The following ASH1L variants were observed in gnomAD, a reference collection of about 807,000 sequenced individuals.
ASH1L encodes ASH1 like histone lysine methyltransferase, also known as histone-lysine N-methyltransferase ASH1L.
ASH1L carries 23 observed loss-of-function variants against 269.0 expected under a neutral mutation model. The observed-to-expected ratio is 0.09, with a 90% CI of 0.06 to 0.12. The LOEUF (loss-of-function observed/expected upper bound fraction) is 0.12, where lower values mean the gene tolerates loss of function less well. ASH1L is among the 10% of genes least tolerant of loss of function. The pLI, the probability that ASH1L is intolerant of heterozygous loss-of-function variation, is 1.00. For synonymous variants in ASH1L, 1,187 were observed against 1,253.5 expected, an observed-to-expected ratio of 0.95 and a Z score of 1.12; for missense variants, 2,912 against 3,567.8, an observed-to-expected ratio of 0.82 and a Z score of 4.68.
intron 2 of ASH1L, among the ~76,000 whole-genome samples, chr1:155,510,142 G>A (rs1388531320): frequency 6.6e-6 from 1 of 151,972 alleles, no homozygotes; most frequent in African/African-American, 2.4e-5. Context: ...TATGCTGGGC[G>A]CAGCGGCTCG....
chr1:155,388,257 A>T (rs2148465532), intron 7 of ASH1L, among the ~76,000 whole-genome samples: 1 of 152,192 alleles, frequency 6.6e-6, no homozygotes. Flanking sequence ...AACTGCTGCC[A>T]CTCACCAATG....
At chr1:155,507,143 G>A (rs1667866749) in intron 2 of ASH1L, among the ~76,000 whole-genome samples, 1 of 152,058 alleles carries the variant, frequency 6.6e-6, no homozygotes. Context: ...AGCCAGACAT[G>A]GTGGTGCGTG....
chr1:155,466,356 A>AAAAACAAAAC (rs373247653), intron 3 of ASH1L, among the ~76,000 whole-genome samples: 3 of 152,150 alleles, frequency 2.0e-5, no homozygotes, highest in South Asian at 2.1e-4. Flanking sequence ...CCCGTCTCAA[A>AAAAACAAAAC]AAAACAAAAC....
At chr1:155,507,293 A>AG (rs1433097524) in intron 2 of ASH1L, among the ~76,000 whole-genome samples, 3 of 152,168 alleles carry the variant, frequency 2.0e-5, no homozygotes, top group Non-Finnish European at 4.4e-5. Flanking sequence ...AAAAAAAAAA[A>AG]AACGCTTCAC....
intron 2 of ASH1L, among the ~76,000 whole-genome samples, chr1:155,511,850 GC>G (rs1325501451): frequency 2.6e-5 from 4 of 151,552 alleles, no homozygotes; most frequent in Non-Finnish European, 5.9e-5. Flanking sequence ...TGCTCTTGTT[GC>G]CCAGGCTGGA....
intron 1 of ASH1L, among the ~76,000 whole-genome samples, chr1:155,539,752 T>G (rs1670297416): frequency 6.6e-6 from 1 of 151,770 alleles, no homozygotes; most frequent in Non-Finnish European, 1.5e-5. Flanking sequence ...ATTGTTTTTC[T>G]CAAAGGCCCA....
chr1:155,525,343 A>C (rs1669177133), intron 1 of ASH1L, among the ~76,000 whole-genome samples: 1 of 151,950 alleles, frequency 6.6e-6, no homozygotes, highest in Non-Finnish European at 1.5e-5. Flanking sequence ...AGTCCAAAAA[A>C]CTCTGAAATC....
At position 155,562,472 on chromosome 1, in the gene ASH1L, G is replaced by T. The variant is rs1278998887; in HGVS notation, c.-419C>A. 2 of 1,462,768 alleles carry T rather than the reference G, an allele frequency of 1.4e-6. No homozygotes were observed. Among genetic ancestry groups the T allele is most frequent in the Non-Finnish European group, 1.9e-6 (2 of 1,079,196 alleles). 90.6% of individuals were successfully genotyped at this position (1,462,768 alleles called of 1,614,324 possible). A position where few individuals can be genotyped will look rare whatever the true frequency, so the allele number is the denominator to read the frequency against. On this transcript the variant is annotated 5_prime_UTR_variant, in exon 1 of 28. Transcript: ENST00000392403. ...GCAGCAGAGTGGCGGCGGTGGCGGC[G>T]GCAGCTCCTCCAGAGGGAGGGAGCG...
At position 155,352,868 on chromosome 1, in the gene ASH1L, T is replaced by C. The variant is rs771832539; in HGVS notation, c.7214-10A>G. On this transcript the variant is annotated splice_polypyrimidine_tract_variant and intron_variant, in intron 16 of 27. Transcript: ENST00000392403. Reference sequence around the variant, plus strand: ...TGGGTCATGAAGACATCTGGAAAAATAAAGTGAAAATTAAGTTACAGGAAA... The same window carrying C: ...TGGGTCATGAAGACATCTGGAAAAACAAAGTGAAAATTAAGTTACAGGAAA... 2.5e-6 allele frequency: 4 copies of C among 1,583,242 alleles called. No homozygotes were observed. The South Asian group carries it at 4.7e-5, about 18-fold the overall frequency.
intron 17 of ASH1L, 113 bp from the exon 18 acceptor site, chr1:155,349,709 CTTTTTTTTTTT>C (rs993462774): frequency 5.5e-4 from 164 of 299,434 alleles, no homozygotes; most frequent in African/African-American, 5.1e-3. Context: ...AAATCCAAGT[CTTTTTTTTTTT>C]TTTTTTTTTT....
At chr1:155,539,586 C>CT (rs1050803538) in intron 1 of ASH1L, among the ~76,000 whole-genome samples, 1 of 152,060 alleles carries the variant, frequency 6.6e-6, no homozygotes, top group African/African-American at 2.4e-5. Flanking sequence ...GTAGCTGGGA[C>CT]TACAGGCACA....
intron 2 of ASH1L, among the ~76,000 whole-genome samples, chr1:155,492,710 CATA>C (rs1439898056): frequency 6.6e-6 from 1 of 150,784 alleles, no homozygotes; most frequent in Non-Finnish European, 1.5e-5. Context: ...ATTATAACTT[CATA>C]ATAACGTTTG....
chr1:155,466,041 T>C (rs1277188610), intron 3 of ASH1L, among the ~76,000 whole-genome samples: 8 of 152,178 alleles, frequency 5.3e-5, no homozygotes, highest in Non-Finnish European at 1.0e-4. Flanking sequence ...CAGAGCCTGT[T>C]CTGGCGATTT....
chr1:155,410,264 C>T (rs1049330676), intron 6 of ASH1L, among the ~76,000 whole-genome samples: 3 of 152,068 alleles, frequency 2.0e-5, no homozygotes, highest in African/African-American at 7.2e-5. Flanking sequence ...GCAGCTGGGA[C>T]TACAGCTGTG....
intron 1 of ASH1L, among the ~76,000 whole-genome samples, chr1:155,524,985 C>T (rs1571063843): frequency 6.6e-6 from 1 of 152,052 alleles, no homozygotes. Context: ...CGGTGGCTCA[C>T]GCCTGTATTA....
chr1:155,480,342 G>A lies in ASH1L; in HGVS notation c.2528C>T (p.Pro843Leu). Residue 843 changes from proline to leucine, a missense_variant, in exon 3 of 28, where the codon CCT becomes CTT. Pro to Leu is a moderately conservative substitution (Grantham distance 98). Transcript: ENST00000392403. ...AGCAGGGATTTTTAAAGTCCTTTTA[G>A]GTGGCCCTTCCAGTTGAGGCATCTC... Reference protein sequence around the residue: ...SKEMPQLEGPPKRTLKIPASK... With the variant: ...SKEMPQLEGPLKRTLKIPASK... 1 of 1,613,766 alleles carries A rather than the reference G, an allele frequency of 6.2e-7. No individual in the cohort carries two copies. Among genetic ancestry groups the A allele is most frequent in the African/African-American group, 1.3e-5 (1 of 75,002 alleles).
At chr1:155,337,799 C>A (rs899959592) in intron 27 of ASH1L, 48 bp from the exon 28 acceptor site, 26 of 1,530,076 alleles carry the variant, frequency 1.7e-5, no homozygotes, top group Non-Finnish European at 1.7e-5. Context: ...TCTCCTACTC[C>A]TTATTCCAGA....
At chr1:155,510,365 G>A (rs1668089018) in intron 2 of ASH1L, among the ~76,000 whole-genome samples, 1 of 128,222 alleles carries the variant, frequency 7.8e-6, no homozygotes, top group Non-Finnish European at 1.5e-5. Flanking sequence ...AGTGAGCCGA[G>A]ATCGCACCAC....
chr1:155,385,852 T>C (rs1272400186), intron 7 of ASH1L, among the ~76,000 whole-genome samples: 2 of 152,100 alleles, frequency 1.3e-5, no homozygotes, highest in Non-Finnish European at 2.9e-5. Context: ...TGTTGGGGGA[T>C]GGGGAAGCTC....
Sources: allele counts gnomAD v4.1 joint callset (sites outside exome capture counted in the v4.1 genomes callset), GRCh38; gene constraint gnomAD v4.1.1; transcripts MANE v1.5; gene names NCBI Gene and HGNC (gene_info 2026-07-23, HGNC 2026-07-21).